The following DTWD2 variants were observed in gnomAD, a reference collection of about 807,000 sequenced individuals.
DTWD2 encodes the protein tRNA-uridine aminocarboxypropyltransferase 2.
A neutral mutation model predicts 31.8 loss-of-function variants in DTWD2; 39 were observed. The ratio of observed to expected loss-of-function variants is 1.22; its 90% CI spans 0.95 to 1.60. DTWD2 has a LOEUF of 1.60. Ranked by LOEUF, DTWD2 falls within the 40% of genes most tolerant of loss-of-function variation. The pLI is 0.00. For synonymous variants in DTWD2, 180 were observed against 142.8 expected (o/e 1.26, Z -1.86); for missense variants, 515 against 381.5 (o/e 1.35, Z -2.92).
At chr5:118,842,920 CT>C (rs1751753070) in intron 5 of DTWD2, among the ~76,000 whole-genome samples, 1 of 150,568 alleles carries the variant, frequency 6.6e-6, no homozygotes, top group Non-Finnish European at 1.5e-5. Context: ...GCACTCCAGC[CT>C]TGGTGACAGA....
intron 4 of DTWD2, among the ~76,000 whole-genome samples, chr5:118,866,901 A>T (rs962756926): frequency 6.6e-6 from 1 of 151,968 alleles, no homozygotes; most frequent in Middle Eastern, 3.2e-3. Context: ...TGGGTGACAG[A>T]GTGAGACTCT....
At chr5:118,919,762 T>C (rs1753660009) in intron 4 of DTWD2, among the ~76,000 whole-genome samples, 1 of 152,226 alleles carries the variant, frequency 6.6e-6, no homozygotes, top group South Asian at 2.1e-4. Flanking sequence ...GTTTTTTTCC[T>C]ACCATCTATG....
At chr5:118,954,912 T>C (rs1308556492) in intron 1 of DTWD2, among the ~76,000 whole-genome samples, 1 of 152,212 alleles carries the variant, frequency 6.6e-6, no homozygotes, top group East Asian at 1.9e-4. Context: ...AATTTTTTTT[T>C]ATATATCAAA....
chr5:118,886,207 C>A (rs1348005235), intron 4 of DTWD2, among the ~76,000 whole-genome samples: 1 of 152,260 alleles, frequency 6.6e-6, no homozygotes, highest in East Asian at 1.9e-4. Context: ...AGTCTCTGTA[C>A]GTAACAGGCA....
intron 1 of DTWD2, among the ~76,000 whole-genome samples, chr5:118,959,127 G>A (rs1580437900): frequency 6.6e-6 from 1 of 152,084 alleles, no homozygotes; most frequent in Non-Finnish European, 1.5e-5. Context: ...ATAAATAAAA[G>A]ACGTCCAAAT....
At chr5:118,875,277 A>G (rs1752595904) in intron 4 of DTWD2, among the ~76,000 whole-genome samples, 1 of 152,216 alleles carries the variant, frequency 6.6e-6, no homozygotes, top group African/African-American at 2.4e-5. Context: ...CAGTGACACT[A>G]TAAAGCAACC....
At position 118,939,233 on chromosome 5, in the gene DTWD2, A is replaced by G; in HGVS notation, c.367T>C (p.Cys123Arg). The G allele has an allele frequency of 6.2e-7, 1 of 1,606,540 alleles. No individual in the cohort carries two copies. The change falls in exon 3 of 6, where the codon TGT (cysteine) becomes CGT (arginine). Residue 123 changes from cysteine to arginine, a missense_variant. Coordinates refer to ENST00000510708, the MANE Select transcript of DTWD2 (RefSeq NM_173666.4). ...AAGCGACGACCGATCTTCACTTTAC[A>G]CTTGTCCTGGGGGAGGCATGCTGCT... ...LLAACLPQDKCKVKIGRRFSE... is the reference protein window; with the variant it reads ...LLAACLPQDKRKVKIGRRFSE...
At chr5:118,978,101 G>T (rs1468003257) in intron 1 of DTWD2, among the ~76,000 whole-genome samples, 1 of 144,614 alleles carries the variant, frequency 6.9e-6, no homozygotes, top group Non-Finnish European at 1.5e-5. Context: ...AAGCAATGGG[G>T]AAAGGATTCC....
intron 1 of DTWD2, among the ~76,000 whole-genome samples, chr5:118,966,555 G>A (rs530897566): frequency 6.6e-6 from 1 of 152,086 alleles, no homozygotes; most frequent in Admixed American, 6.5e-5. Flanking sequence ...CAAATTAGTT[G>A]ATGATATGCT....
At chr5:118,859,206 GAAAAAA>G (rs766866641) in intron 4 of DTWD2, among the ~76,000 whole-genome samples, 1 of 127,356 alleles carries the variant, frequency 7.9e-6, no homozygotes, top group African/African-American at 2.9e-5. Context: ...ATTCTTGAAG[GAAAAAA>G]AAAAAAAACC....
At chr5:118,936,678 C>CA (rs1754053131) in intron 3 of DTWD2, among the ~76,000 whole-genome samples, 1 of 150,314 alleles carries the variant, frequency 6.7e-6, no homozygotes, top group East Asian at 1.9e-4. Context: ...TATGAATGAA[C>CA]AAAAAGTTTT....
At chr5:118,920,566 T>C (rs939736271) in intron 4 of DTWD2, among the ~76,000 whole-genome samples, 5 of 151,892 alleles carry the variant, frequency 3.3e-5, no homozygotes, top group Admixed American at 2.6e-4. Context: ...CCTTTTTTTA[T>C]TAGGCATTTT....
At position 118,848,072 on chromosome 5, in the gene DTWD2, A is replaced by G. The variant is rs1279190417; in HGVS notation, c.726+18T>C. On this transcript the variant is annotated intron_variant, in intron 5 of 5. Transcript: ENST00000510708. ...GAAAACTCCCACTTTGAAAAACTAT[A>G]ACCTTACAAAGACGTACCTCTTGTA... The G allele has an allele frequency of 6.6e-7, 1 of 1,517,814 alleles. No homozygotes were observed. 94.0% of individuals were successfully genotyped at this position (1,517,814 alleles called of 1,614,324 possible).
chr5:118,850,296 T>C (rs191709619), intron 4 of DTWD2, among the ~76,000 whole-genome samples: 172 of 133,800 alleles, frequency 1.3e-3, no homozygotes, highest in African/African-American at 4.8e-3. Context: ...AAACCCTGTC[T>C]CTACCAAAAA....
intron 1 of DTWD2, among the ~76,000 whole-genome samples, chr5:118,969,702 T>C (rs913337784): frequency 1.7e-4 from 26 of 152,014 alleles, no homozygotes; most frequent in Admixed American, 1.3e-3. Flanking sequence ...ACCTCAAAGA[T>C]AGAAGGTAGA....
chr5:118,911,353 A>G (rs1753454158), intron 4 of DTWD2, among the ~76,000 whole-genome samples: 1 of 152,252 alleles, frequency 6.6e-6, no homozygotes, highest in Non-Finnish European at 1.5e-5. Flanking sequence ...AAGACAAAAG[A>G]TAACAAGTGT....
chr5:118,947,351 A>G (rs1324429289), intron 1 of DTWD2, among the ~76,000 whole-genome samples: 1 of 152,132 alleles, frequency 6.6e-6, no homozygotes, highest in African/African-American at 2.4e-5. Context: ...AATATGGAGG[A>G]TTTTATTGCC....
chr5:118,926,919 A>C (rs1188106715), intron 4 of DTWD2, among the ~76,000 whole-genome samples: 1 of 152,198 alleles, frequency 6.6e-6, no homozygotes, highest in Non-Finnish European at 1.5e-5. Context: ...TAGTCAGCTT[A>C]GGCTGTTGTA....
chr5:118,979,255 GACTGTGCC>G (rs1755234964), intron 1 of DTWD2, among the ~76,000 whole-genome samples: 1 of 152,142 alleles, frequency 6.6e-6, no homozygotes, highest in Non-Finnish European at 1.5e-5. Flanking sequence ...AGTGAGCAAA[GACTGTGCC>G]ACTGCACTCC....
Sources: gnomAD v4.1 joint callset for allele counts (sites outside exome capture counted in the v4.1 genomes callset) on GRCh38, gnomAD v4.1.1 for gene constraint, MANE v1.5 for transcripts, NCBI Gene and HGNC (gene_info 2026-07-23, HGNC 2026-07-21) for gene names.